The following ASTN2 variants were observed in gnomAD, a reference collection of about 807,000 sequenced individuals.
ASTN2 encodes the protein astrotactin 2, also known as astrotactin-2.
Under a neutral mutation model 139.8 loss-of-function variants are expected in ASTN2, and 54 were observed. That is an observed-to-expected ratio of 0.39 (90% CI 0.31 to 0.48). The LOEUF (loss-of-function observed/expected upper bound fraction) is 0.48. Among genes scored for constraint, ASTN2 ranks in the 20% least tolerant of loss-of-function variants. The pLI is 0.95. For synonymous variants in ASTN2, 756 were observed against 719.5 expected (o/e 1.05, Z -0.81); for missense variants, 1,565 against 1,725.1 (o/e 0.91, Z 1.64).
chr9:116,547,878 C>T (rs562819552), intron 19 of ASTN2, among the ~76,000 whole-genome samples: 77 of 152,280 alleles, frequency 5.1e-4, no homozygotes, highest in African/African-American at 1.8e-3. Context: ...TCCCTCCCCT[C>T]CAGGCATCAG....
At chr9:116,556,487 A>T (rs1438271354) in intron 19 of ASTN2, among the ~76,000 whole-genome samples, 1 of 152,184 alleles carries the variant, frequency 6.6e-6, no homozygotes, top group African/African-American at 2.4e-5. Flanking sequence ...AAATAAAATA[A>T]AAGTCCCCAG....
intron 3 of ASTN2, among the ~76,000 whole-genome samples, chr9:117,144,380 T>G (rs774751686): frequency 6.6e-6 from 1 of 152,162 alleles, no homozygotes; most frequent in Non-Finnish European, 1.5e-5. Context: ...GACATGATGT[T>G]TGAATGTTAT....
chr9:117,383,885 T>C (rs1830331063), intron 1 of ASTN2, among the ~76,000 whole-genome samples: 1 of 152,214 alleles, frequency 6.6e-6, no homozygotes, highest in Non-Finnish European at 1.5e-5. Context: ...GCTGCTCAGA[T>C]GTTCCTAACC....
At chr9:116,565,405 A>C (rs866868425) in intron 19 of ASTN2, among the ~76,000 whole-genome samples, 3,035 of 97,404 alleles carry the variant, frequency 0.031, 209 homozygotes, top group African/African-American at 0.043. Context: ...ATATATATAT[A>C]TATATATATA....
In ASTN2 at chr9:117,414,673, C is replaced by G. The variant is rs917011968; in HGVS notation, c.266G>C (p.Gly89Ala). 2.2e-5 allele frequency: 27 copies of G among 1,253,664 alleles called. No homozygotes were observed. The highest frequency in any genetic ancestry group is 2.7e-5 in the Non-Finnish European group (27 of 1,003,632). The allele number at this position is 1,253,664 out of a possible 1,614,324, so 77.7% of individuals were successfully genotyped here. A position where few individuals can be genotyped will look rare whatever the true frequency, so the allele number is the denominator to read the frequency against. ...TCCGGCCCCGGTCCCAGCCCCGGCC[C>G]CGGCGCGGGCGCCGCTCCAGCCGAT... ...SDIGWSGARA[G>A]AGAGTGAGAA... The change falls in exon 1 of 23, where the codon GGG (glycine) becomes GCG (alanine). Residue 89 changes from glycine (G) to alanine (A), a missense_variant. Physicochemically the swap from Gly to Ala is moderately conservative, Grantham distance 60. This residue lies in a region of ASTN2 where 596 missense variants were observed against 576.8 expected (regional missense o/e 1.03). Transcript: ENST00000313400. The surrounding 1 kb of genome is among the most constrained non-coding windows in gnomAD (Gnocchi z 4.2).
At chr9:117,275,067 C>T (rs1449672198) in intron 2 of ASTN2, among the ~76,000 whole-genome samples, 1 of 152,178 alleles carries the variant, frequency 6.6e-6, no homozygotes, top group South Asian at 2.1e-4. Context: ...TAATCATTAA[C>T]CACCAAAGTT....
At chr9:116,548,086 C>T (rs4837614) in intron 19 of ASTN2, among the ~76,000 whole-genome samples, 24,154 of 139,776 alleles carry the variant, frequency 0.17, 2,089 homozygotes, top group African/African-American at 0.24. Flanking sequence ...CAGGATGCAG[C>T]CAAAGAAAAC....
intron 19 of ASTN2, among the ~76,000 whole-genome samples, chr9:116,572,483 T>C (rs1288798571): frequency 6.6e-6 from 1 of 152,200 alleles, no homozygotes; most frequent in Non-Finnish European, 1.5e-5. Context: ...TAATTTGCCG[T>C]TGAAAGCGAG....
intron 1 of ASTN2, among the ~76,000 whole-genome samples, chr9:117,310,218 T>C (rs1307706190): frequency 1.3e-5 from 2 of 152,212 alleles, no homozygotes; most frequent in East Asian, 3.9e-4. Context: ...TCACTTGTCC[T>C]CAGTTAACTT....
intron 2 of ASTN2, among the ~76,000 whole-genome samples, chr9:117,232,688 A>G (rs1275843194): frequency 1.3e-5 from 2 of 152,230 alleles, no homozygotes; most frequent in African/African-American, 2.4e-5. Flanking sequence ...CACAAATCCC[A>G]TGCCGATTAC....
rs538811788 is a variant in ASTN2, at chr9:117,322,884, G to A, written c.443-31371C>T. ...CTATGGGCATTTTCAACACTCTCCT[G>A]TCTCTGGTGGTGTTATTATTTTCCT... On this transcript the variant is annotated intron_variant, in intron 1 of 22. Coordinates refer to ENST00000313400, the MANE Select transcript of ASTN2 (RefSeq NM_001365068.1). 3.9e-5 allele frequency among the ~76,000 whole-genome samples: 6 copies of A among 152,226 alleles called. No homozygotes were observed. In the South Asian group the frequency reaches 1.2e-3, roughly 32 times the overall value.
chr9:116,633,618 T>G (rs144516189), intron 17 of ASTN2, among the ~76,000 whole-genome samples: 1 of 152,298 alleles, frequency 6.6e-6, no homozygotes, highest in Non-Finnish European at 1.5e-5. Flanking sequence ...AATGCTAGCT[T>G]AAGTTAATGG....
At chr9:117,269,195 C>A (rs751595588) in intron 2 of ASTN2, among the ~76,000 whole-genome samples, 27 of 152,314 alleles carry the variant, frequency 1.8e-4, no homozygotes, top group Middle Eastern at 3.4e-3. Flanking sequence ...GCTTACATTT[C>A]AGCAAAAGAC....
chr9:117,023,379 C>T (rs1837950652), intron 6 of ASTN2, among the ~76,000 whole-genome samples: 1 of 152,160 alleles, frequency 6.6e-6, no homozygotes, highest in South Asian at 2.1e-4. Flanking sequence ...CTGCCTGGAA[C>T]ACACTTTCCT....
chr9:116,998,238 G>A (rs1234811903), intron 7 of ASTN2, among the ~76,000 whole-genome samples: 1 of 152,162 alleles, frequency 6.6e-6, no homozygotes, highest in Non-Finnish European at 1.5e-5. Flanking sequence ...CTGAGGATCA[G>A]AGGGACTCGT....
chr9:117,316,413 G>A (rs1455668174), intron 1 of ASTN2, among the ~76,000 whole-genome samples: 2 of 152,136 alleles, frequency 1.3e-5, no homozygotes, highest in African/African-American at 4.8e-5. Flanking sequence ...GAGAGATAAA[G>A]AATTGTATGT....
chr9:117,061,261 C>T (rs1277936765), intron 5 of ASTN2, among the ~76,000 whole-genome samples: 1 of 151,770 alleles, frequency 6.6e-6, no homozygotes, highest in African/African-American at 2.4e-5. Flanking sequence ...ATCCTGTGGC[C>T]AGCACTCAAT....
rs369136986 is a variant in ASTN2 at position 117,016,015 on chromosome 9, T to C, written c.1424-7756A>G. On this transcript the variant is annotated intron_variant, in intron 6 of 22. Coordinates refer to ENST00000313400, the MANE Select transcript of ASTN2 (RefSeq NM_001365068.1). ...ATTTTAATACCAGAGATATATTGTATATCTGCTTATACACTGTATGTACTG... is the reference window on the plus strand; with the variant it reads ...ATTTTAATACCAGAGATATATTGTACATCTGCTTATACACTGTATGTACTG... Among the ~76,000 whole-genome samples the C allele has an allele frequency of 3.5e-4, 53 of 152,322 alleles. 1 individual carries two copies. In the South Asian group the frequency reaches 8.5e-3, roughly 24 times the overall value.
chr9:116,442,295 C>T (rs1224175951), intron 21 of ASTN2, among the ~76,000 whole-genome samples, 158 bp downstream of exon 21: 1 of 152,202 alleles, frequency 6.6e-6, no homozygotes, highest in Non-Finnish European at 1.5e-5. Flanking sequence ...ATTAATTTAG[C>T]TCCATGTTCC....
Sources: gnomAD v4.1 joint callset for allele counts (sites outside exome capture counted in the v4.1 genomes callset) on GRCh38, gnomAD v4.1.1 for gene constraint, gnomAD v4.1.1 regional missense constraint, Gnocchi (gnomAD v3.1) non-coding constraint, MANE v1.5 for transcripts, NCBI Gene and HGNC (gene_info 2026-07-23, HGNC 2026-07-21) for gene names.